Variants in CDC73 observed in about 807,000 individuals in gnomAD.
CDC73 encodes the protein parafibromin.
In CDC73, 21 loss-of-function variants were observed where a neutral mutation model predicts 83.7. The observed-to-expected ratio is 0.25, with a 90% CI of 0.18 to 0.36. The LOEUF (loss-of-function observed/expected upper bound fraction) is 0.36. Among genes scored for constraint, CDC73 ranks in the 10% least tolerant of loss-of-function variants. The pLI is 1.00. For synonymous variants in CDC73, 224 were observed against 212.9 expected (o/e 1.05, Z -0.45); for missense variants, 342 against 653.3 (o/e 0.52, Z 5.19).
intron 10 of CDC73, among the ~76,000 whole-genome samples, chr1:193,185,593 A>G (rs1676793227): frequency 6.6e-6 from 1 of 152,058 alleles, no homozygotes; most frequent in South Asian, 2.1e-4. Context: ...TTTCCTTGCT[A>G]CTATTTAATG....
chr1:193,146,612 G>A (rs1676005143), intron 7 of CDC73, among the ~76,000 whole-genome samples: 1 of 152,140 alleles, frequency 6.6e-6, no homozygotes, highest in South Asian at 2.1e-4. Context: ...CGTAAGGGTG[G>A]AGCCCTATGA....
chr1:193,193,870 A>G (rs1309361799), intron 10 of CDC73, among the ~76,000 whole-genome samples: 1 of 151,522 alleles, frequency 6.6e-6, no homozygotes, highest in Admixed American at 6.6e-5. Flanking sequence ...AAGTATACAT[A>G]CAGATTTGTT....
At chr1:193,249,702 TGATA>T in intron 15 of CDC73, 24 bp from the exon 16 acceptor site, 1 of 1,579,794 alleles carries the variant, frequency 6.3e-7, no homozygotes, top group Non-Finnish European at 8.7e-7. Flanking sequence ...TGAGTAAAAA[TGATA>T]ACTTCTCTCC....
Position 193,142,027 on chromosome 1 carries a change from A to T in CDC73, c.690A>T (p.Val230=), listed in dbSNP as rs190156691. Residue 230 remains valine, a synonymous_variant, in exon 7 of 17, where the codon GTA becomes GTT. Transcript: ENST00000367435. Reference sequence around the variant, plus strand: ...GAGATATTGTCAGCAGAGAGAGAGTATGGAGGACACGAACAACTATCTTAC... The same window carrying T: ...GAGATATTGTCAGCAGAGAGAGAGTTTGGAGGACACGAACAACTATCTTAC... ...VTRDIVSRER[V]WRTRTTILQS... is the part of the protein sequence containing the mutation. 6.2e-7 allele frequency: 1 copy of T among 1,613,852 alleles called. No individual in the cohort carries two copies. The highest frequency in any genetic ancestry group is 8.5e-7 in the Non-Finnish European group (1 of 1,179,788).
At chr1:193,186,083 T>G (rs1461259866) in intron 10 of CDC73, 2 of 152,862 alleles carry the variant, frequency 1.3e-5, no homozygotes, top group Admixed American at 6.6e-5. Flanking sequence ...TGGCACGCCA[T>G]CACTTCAGCA....
At chr1:193,163,162 T>G (rs1182699716) in intron 10 of CDC73, among the ~76,000 whole-genome samples, 2 of 151,114 alleles carry the variant, frequency 1.3e-5, no homozygotes, top group East Asian at 1.9e-4. Flanking sequence ...TGTGTGTGTG[T>G]GTGTGTGTGT....
intron 10 of CDC73, among the ~76,000 whole-genome samples, chr1:193,197,253 T>C (rs573060722): frequency 6.6e-6 from 1 of 152,318 alleles, no homozygotes; most frequent in East Asian, 1.9e-4. Context: ...TACATTGATT[T>C]TTCATATGTT....
intron 10 of CDC73, among the ~76,000 whole-genome samples, chr1:193,160,382 T>C (rs924467233): frequency 1.3e-5 from 2 of 152,052 alleles, no homozygotes; most frequent in East Asian, 1.9e-4. Flanking sequence ...GTTGTAAGAA[T>C]AGGAAACACA....
chr1:193,227,394 G>A (rs1656671622), intron 13 of CDC73, among the ~76,000 whole-genome samples: 1 of 151,882 alleles, frequency 6.6e-6, no homozygotes, highest in Non-Finnish European at 1.5e-5. Context: ...CACTTTGGGA[G>A]GCTGAGGTGG....
At chr1:193,224,495 TATG>T (rs1169745086) in intron 13 of CDC73, among the ~76,000 whole-genome samples, 2 of 152,078 alleles carry the variant, frequency 1.3e-5, no homozygotes. Context: ...TATACACATA[TATG>T]AAATATGCAT....
chr1:193,138,691 C>A (rs1307509521), intron 6 of CDC73, among the ~76,000 whole-genome samples: 6 of 148,572 alleles, frequency 4.0e-5, no homozygotes, highest in South Asian at 2.1e-4. Flanking sequence ...ACATTCTTTT[C>A]TTTTTTTTGG....
intron 10 of CDC73, among the ~76,000 whole-genome samples, chr1:193,157,862 A>G (rs1410055687): frequency 6.6e-6 from 1 of 152,092 alleles, no homozygotes; most frequent in African/African-American, 2.4e-5. Context: ...TGAGGAGGTT[A>G]TTTAACCTTT....
chr1:193,237,324 A>AT (rs200945952), intron 15 of CDC73, among the ~76,000 whole-genome samples: 1,842 of 152,208 alleles, frequency 0.012, 18 homozygotes, highest in South Asian at 0.034. Flanking sequence ...ACCTTCATTC[A>AT]TTTAAAAAAA....
At chr1:193,192,448 A>C (rs968601395) in intron 10 of CDC73, among the ~76,000 whole-genome samples, 1 of 152,220 alleles carries the variant, frequency 6.6e-6, no homozygotes, top group African/African-American at 2.4e-5. Flanking sequence ...GTCTCATAAA[A>C]GACAAAACAA....
chr1:193,152,228 A>T, intron 9 of CDC73, 152 bp from the exon 10 acceptor site: 2 of 596,706 alleles, frequency 3.4e-6, no homozygotes, highest in Admixed American at 5.8e-5. Context: ...TTTTATCTTC[A>T]CAAGTACGTA....
intron 13 of CDC73, among the ~76,000 whole-genome samples, chr1:193,225,044 TC>T (rs897057539): frequency 1.7e-4 from 26 of 151,734 alleles, no homozygotes; most frequent in Non-Finnish European, 3.4e-4. Context: ...TCCCACAGTT[TC>T]CCCCTGCATC....
chr1:193,195,036 T>G (rs1175959154), intron 10 of CDC73, among the ~76,000 whole-genome samples: 2 of 152,146 alleles, frequency 1.3e-5, no homozygotes, highest in Admixed American at 1.3e-4. Context: ...ATATGGAGAT[T>G]GTTACAATGA....
At chr1:193,243,911 T>C (rs1677905397) in intron 15 of CDC73, among the ~76,000 whole-genome samples, 1 of 152,172 alleles carries the variant, frequency 6.6e-6, no homozygotes, top group Non-Finnish European at 1.5e-5. Context: ...GTTGTTAACA[T>C]CAAAAGCCAA....
chr1:193,159,796 C>G (rs1302414039), intron 10 of CDC73, among the ~76,000 whole-genome samples: 1 of 152,066 alleles, frequency 6.6e-6, no homozygotes, highest in Non-Finnish European at 1.5e-5. Flanking sequence ...CTCTAATTGG[C>G]TAGTATTTAG....
Sources: gnomAD v4.1 joint callset for allele counts (sites outside exome capture counted in the v4.1 genomes callset) on GRCh38, gnomAD v4.1.1 for gene constraint, MANE v1.5 for transcripts, NCBI Gene and HGNC (gene_info 2026-07-23, HGNC 2026-07-21) for gene names.